The following RAPGEF5 variants were observed in gnomAD, a reference collection of about 807,000 sequenced individuals.
RAPGEF5 encodes the protein Rap guanine nucleotide exchange factor 5, also known as M-Ras-regulated GEF.
A neutral mutation model predicts 125.2 loss-of-function variants in RAPGEF5; 65 were observed. The observed-to-expected ratio is 0.52, with a 90% CI of 0.43 to 0.64. The LOEUF is 0.64. RAPGEF5 is among the 30% of genes least tolerant of loss of function. The pLI is 0.00. For missense variants in RAPGEF5, 958 were observed against 1,048.1 expected, an observed-to-expected ratio of 0.91 and a Z score of 1.19; for synonymous variants, 391 against 385.9, an observed-to-expected ratio of 1.01 and a Z score of -0.16.
chr7:22,175,775 A>G (rs777908211), intron 11 of RAPGEF5, among the ~76,000 whole-genome samples: 26 of 152,240 alleles, frequency 1.7e-4, no homozygotes, highest in Non-Finnish European at 2.9e-4. Context: ...AGCCTGAGAT[A>G]TGGTTATTAC....
At chr7:22,308,623 T>C in intron 4 of RAPGEF5, 116 bp from the exon 5 acceptor site, 1 of 809,530 alleles carries the variant, frequency 1.2e-6, no homozygotes. Context: ...GTTAAGACTA[T>C]AATTATACAT....
chr7:22,192,409 A>G (rs1583468328), intron 11 of RAPGEF5: 2 of 152,302 alleles, frequency 1.3e-5, no homozygotes, highest in African/African-American at 4.8e-5. Context: ...GACATCACCT[A>G]TGTTCAGACA....
At chr7:22,204,997 G>A (rs1294663167) in intron 9 of RAPGEF5, among the ~76,000 whole-genome samples, 1 of 152,132 alleles carries the variant, frequency 6.6e-6, no homozygotes, top group Non-Finnish European at 1.5e-5. Context: ...AGAAGAGGAG[G>A]ACAGACTGGG....
intron 16 of RAPGEF5, among the ~76,000 whole-genome samples, chr7:22,156,595 A>G (rs114859211): frequency 0.024 from 3,584 of 152,316 alleles, 51 homozygotes; most frequent in Middle Eastern, 0.065. Flanking sequence ...TTCCCAAATT[A>G]TAAGTATCCT....
At chr7:22,157,244 C>T (rs1161182036) in intron 15 of RAPGEF5, among the ~76,000 whole-genome samples, 1 of 152,176 alleles carries the variant, frequency 6.6e-6, no homozygotes, top group Non-Finnish European at 1.5e-5. Flanking sequence ...TATCACAATC[C>T]GATCCTCTGC....
chr7:22,219,725 T>C (rs1785732227), intron 9 of RAPGEF5, 141 bp downstream of exon 9: 6 of 1,170,640 alleles, frequency 5.1e-6, no homozygotes, highest in Admixed American at 5.9e-5. Flanking sequence ...TCATTTTTAC[T>C]AAGGAGGATG....
intron 5 of RAPGEF5, among the ~76,000 whole-genome samples, chr7:22,302,050 G>A (rs767770722): frequency 6.6e-6 from 1 of 152,210 alleles, no homozygotes; most frequent in East Asian, 1.9e-4. Flanking sequence ...TGCCTGGTAA[G>A]TAAGTCGCTC....
intron 6 of RAPGEF5, among the ~76,000 whole-genome samples, chr7:22,272,513 A>C (rs528804838): frequency 1.9e-4 from 29 of 152,222 alleles, no homozygotes; most frequent in Admixed American, 1.7e-3. Flanking sequence ...CTTTTAGTAA[A>C]TCTATTAATC....
At chr7:22,124,822 A>G (rs888635057) in intron 25 of RAPGEF5, among the ~76,000 whole-genome samples, 1 of 152,180 alleles carries the variant, frequency 6.6e-6, no homozygotes, top group Non-Finnish European at 1.5e-5. Flanking sequence ...GCGAGGAGGT[A>G]AGGTAGACTC....
intron 1 of RAPGEF5, among the ~76,000 whole-genome samples, chr7:22,327,352 T>A (rs1409832151): frequency 6.6e-6 from 1 of 152,234 alleles, no homozygotes; most frequent in Non-Finnish European, 1.5e-5. Flanking sequence ...CATTTGAATT[T>A]CCCCTGATTC....
intron 11 of RAPGEF5, among the ~76,000 whole-genome samples, chr7:22,171,627 T>C (rs1784352423): frequency 1.3e-5 from 2 of 152,030 alleles, no homozygotes; most frequent in South Asian, 4.1e-4. Context: ...GCCTCCTGAG[T>C]AGTTGGGACT....
At chr7:22,157,030 C>T in intron 15 of RAPGEF5, 142 bp from the exon 16 acceptor site, 1 of 1,388,412 alleles carries the variant, frequency 7.2e-7, no homozygotes, top group Admixed American at 2.6e-5. Context: ...GAGAAATAAA[C>T]TGGGAGTCGC....
intron 5 of RAPGEF5, among the ~76,000 whole-genome samples, chr7:22,305,341 T>C (rs1783311921): frequency 6.6e-6 from 1 of 152,218 alleles, no homozygotes; most frequent in Non-Finnish European, 1.5e-5. Flanking sequence ...CTGAAGCTTA[T>C]TCTCCTAAAA....
rs550235652 is a variant in RAPGEF5 at position 22,154,781 on chromosome 7, C to T, written c.1637-177G>A. The stretch of plus-strand genomic sequence containing the variant: ...ATGTACATGAGCACCTGAGGGTATA[C>T]GTCTATAAATGTGTGCTTGCAAACA... On this transcript the variant is annotated intron_variant, in intron 16 of 25. Transcript: ENST00000665637. Among the ~76,000 whole-genome samples, 371 of 152,202 alleles carry T rather than the reference C, an allele frequency of 2.4e-3. 2 individuals are homozygous for T. Among genetic ancestry groups the T allele is most frequent in the Non-Finnish European group, 3.8e-3 (259 of 68,028 alleles).
chr7:22,143,603 G>T (rs906298070), intron 20 of RAPGEF5, among the ~76,000 whole-genome samples: 2 of 152,090 alleles, frequency 1.3e-5, no homozygotes, highest in African/African-American at 4.8e-5. Flanking sequence ...CTGCTTCATT[G>T]TCTCCACTGA....
intron 17 of RAPGEF5, among the ~76,000 whole-genome samples, chr7:22,152,616 T>G (rs10276809): frequency 0.19 from 29,267 of 152,184 alleles, 3,905 homozygotes; most frequent in African/African-American, 0.38. Flanking sequence ...AATGATACTA[T>G]TGTTCCTTTT....
chr7:22,334,127 A>G (rs542004419), intron 1 of RAPGEF5, among the ~76,000 whole-genome samples: 65 of 151,636 alleles, frequency 4.3e-4, no homozygotes, highest in African/African-American at 1.5e-3. Context: ...CAATCCACCC[A>G]CACCCCACGG....
intron 24 of RAPGEF5, among the ~76,000 whole-genome samples, chr7:22,129,774 C>T (rs1166882190): frequency 6.6e-6 from 1 of 152,106 alleles, no homozygotes; most frequent in Admixed American, 6.5e-5. Flanking sequence ...AAGTGATGGT[C>T]TTCGGTGTGG....
At chr7:22,143,055 G>A (rs6954430) in intron 20 of RAPGEF5, among the ~76,000 whole-genome samples, 4 of 151,998 alleles carry the variant, frequency 2.6e-5, no homozygotes, top group African/African-American at 9.7e-5. Flanking sequence ...AGTGGGAACT[G>A]AGCTGGGTGG....
Sources: gnomAD v4.1 joint callset for allele counts (sites outside exome capture counted in the v4.1 genomes callset) on GRCh38, gnomAD v4.1.1 for gene constraint, MANE v1.5 for transcripts, NCBI Gene and HGNC (gene_info 2026-07-23, HGNC 2026-07-21) for gene names.